The following CEP63 variants were observed in gnomAD, a reference collection of about 807,000 sequenced individuals.
CEP63 encodes the protein centrosomal protein of 63 kDa.
CEP63 carries 84 observed loss-of-function variants against 89.1 expected under a neutral mutation model. That is an observed-to-expected ratio of 0.94 (90% CI 0.79 to 1.13). The LOEUF (loss-of-function observed/expected upper bound fraction) is 1.13. CEP63 is among the 50% of genes most tolerant of loss of function. The pLI is 0.00. For synonymous variants in CEP63, 267 were observed against 272.5 expected, an observed-to-expected ratio of 0.98 and a Z score of 0.20; for missense variants, 838 against 813.3, an observed-to-expected ratio of 1.03 and a Z score of -0.37.
chr3:134,509,674 A>G (rs1295019911), intron 3 of CEP63, among the ~76,000 whole-genome samples: 1 of 152,202 alleles, frequency 6.6e-6, no homozygotes, highest in Admixed American at 6.5e-5. Context: ...CAGGAGAAGT[A>G]AAAAAACAGA....
chr3:134,752,815 T>C, the CEP63 span, among the ~76,000 whole-genome samples: 1 of 152,114 alleles, frequency 6.6e-6, no homozygotes, highest in African/African-American at 2.4e-5. Context: ...CCTTGGTAAT[T>C]GCCTATGGCC....
At chr3:134,725,529 A>G in the CEP63 span, among the ~76,000 whole-genome samples, 1 of 152,154 alleles carries the variant, frequency 6.6e-6, no homozygotes, top group Non-Finnish European at 1.5e-5. Flanking sequence ...CCAGGTTTTT[A>G]CTTTTCCAAA....
chr3:134,557,940 C>T (rs1227659671), intron 12 of CEP63, among the ~76,000 whole-genome samples: 3 of 152,130 alleles, frequency 2.0e-5, no homozygotes, highest in African/African-American at 4.8e-5. Context: ...CAAGGAAGCC[C>T]GTTGTGCTTC....
chr3:134,689,848 C>G, the CEP63 span, among the ~76,000 whole-genome samples: 1 of 152,088 alleles, frequency 6.6e-6, no homozygotes, highest in South Asian at 2.1e-4. Context: ...ATGGAGAATC[C>G]AAAATCATGT....
At chr3:134,615,900 G>A in the CEP63 span, among the ~76,000 whole-genome samples, 15 of 152,170 alleles carry the variant, frequency 9.9e-5, no homozygotes, top group Non-Finnish European at 2.2e-4. Flanking sequence ...ACAGCTGGAG[G>A]ATGAGTGGAA....
chr3:134,665,170 T>C, the CEP63 span, among the ~76,000 whole-genome samples: 4 of 152,090 alleles, frequency 2.6e-5, no homozygotes, highest in African/African-American at 9.7e-5. Flanking sequence ...ATGAAGGGGA[T>C]TGGGCTGGGG....
rs1040712640 is a variant in CEP63 at position 134,515,541 on chromosome 3, C to T, written c.222+8255C>T. Among the ~76,000 whole-genome samples the T allele has an allele frequency of 2.0e-5, 3 of 152,192 alleles. No homozygotes were observed. The South Asian group carries it at 6.2e-4, about 32-fold the overall frequency. On this transcript the variant is annotated intron_variant, in intron 3 of 14. Transcript: ENST00000675561. ...AGAAAAAGTATGATTGGAGCAGAAGCCGAAAGCATTACTCAAGGTGAAGAA... is the reference window on the plus strand; with the variant it reads ...AGAAAAAGTATGATTGGAGCAGAAGTCGAAAGCATTACTCAAGGTGAAGAA...
At chr3:134,618,596 G>T in the CEP63 span, among the ~76,000 whole-genome samples, 1 of 144,812 alleles carries the variant, frequency 6.9e-6, no homozygotes, top group Non-Finnish European at 1.5e-5. Context: ...CTGTTCTCCT[G>T]CTCAGGCCAG....
the CEP63 span, among the ~76,000 whole-genome samples, chr3:134,752,618 TA>T: frequency 6.6e-6 from 1 of 152,074 alleles, no homozygotes; most frequent in East Asian, 1.9e-4. Context: ...ATTACAATAA[TA>T]AAAAGAAGAC....
intron 10 of CEP63, among the ~76,000 whole-genome samples, chr3:134,580,152 G>A (rs1029567844): frequency 2.7e-5 from 4 of 148,506 alleles, no homozygotes; most frequent in Non-Finnish European, 4.4e-5. Context: ...CTGAGATTGC[G>A]CCATTGCACT....
the CEP63 span, among the ~76,000 whole-genome samples, chr3:134,624,226 G>T: frequency 3.3e-3 from 501 of 152,172 alleles, 2 homozygotes; most frequent in African/African-American, 0.011. Flanking sequence ...CTTCCCCTCT[G>T]CCCCTAGCTC....
the CEP63 span, among the ~76,000 whole-genome samples, chr3:134,646,282 C>T: frequency 2.0e-5 from 3 of 152,162 alleles, no homozygotes; most frequent in African/African-American, 7.2e-5. Context: ...ACAGGGAAGC[C>T]ATTGCACCCA....
At chr3:134,607,156 A>G in the CEP63 span, 5 of 985,334 alleles carry the variant, frequency 5.1e-6, no homozygotes, top group African/African-American at 1.7e-5. Flanking sequence ...TCCACGGCCT[A>G]TGATACATTG....
At chr3:134,587,680 G>T (rs1295553604) in exon 11 of CEP63, among the ~76,000 whole-genome samples, 1 of 152,106 alleles carries the variant, frequency 6.6e-6, no homozygotes, top group Admixed American at 6.5e-5. Context: ...GAGGCAGTCT[G>T]TCTGTTCTCA....
chr3:134,741,825 A>G, the CEP63 span, among the ~76,000 whole-genome samples: 1 of 151,742 alleles, frequency 6.6e-6, no homozygotes. Flanking sequence ...TCTGCAGTGT[A>G]CTCCTTAGAC....
At chr3:134,760,404 G>A in the CEP63 span, among the ~76,000 whole-genome samples, 11 of 152,274 alleles carry the variant, frequency 7.2e-5, no homozygotes, top group East Asian at 2.1e-3. Flanking sequence ...AGTGCAGCAG[G>A]AAGGGACCTT....
Position 134,558,239 on chromosome 3 carries a change from AT to A in CEP63, c.1566del (p.Asn522LysfsTer48), listed in dbSNP as rs1560044958. ...ENQQLQKDLM[N>X]TKSQLEISTQ... ...CAACAACTACAGAAAGATTTGATGA[AT>A]ACCAAATCTCAGCTGGAGATTTCTA... On this transcript the variant is annotated frameshift_variant, in exon 13 of 15. Coordinates refer to ENST00000675561, the MANE Select transcript of CEP63 (RefSeq NM_001353108.3). LOFTEE classifies it high-confidence loss of function. 1 of 1,612,038 alleles carries A rather than the reference AT, an allele frequency of 6.2e-7. No homozygotes were observed.
downstream of CEP63, among the ~76,000 whole-genome samples, chr3:134,576,812 C>T (rs1242738033): frequency 1.3e-5 from 2 of 152,152 alleles, no homozygotes; most frequent in African/African-American, 2.4e-5. Context: ...GAGGGGCACG[C>T]GTGGGGTGAC....
At chr3:134,738,328 G>C in the CEP63 span, among the ~76,000 whole-genome samples, 4 of 151,666 alleles carry the variant, frequency 2.6e-5, no homozygotes, top group Non-Finnish European at 5.9e-5. Flanking sequence ...ATGGGCATTT[G>C]GGTTGGTTCC....
Sources: allele counts gnomAD v4.1 joint callset (sites outside exome capture counted in the v4.1 genomes callset), GRCh38; gene constraint gnomAD v4.1.1; transcripts MANE v1.5; gene names NCBI Gene and HGNC (gene_info 2026-07-23, HGNC 2026-07-21).